Variants in KY observed in about 807,000 individuals in gnomAD.
KY encodes kyphoscoliosis peptidase.
A neutral mutation model predicts 76.1 loss-of-function variants in KY; 43 were observed. That is an observed-to-expected ratio of 0.57 (90% CI 0.44 to 0.73). KY has a LOEUF of 0.73. Ranked by LOEUF, KY falls within the 30% of genes least tolerant of loss-of-function variation. The pLI is 0.00. For synonymous variants in KY, 277 were observed against 326.2 expected (o/e 0.85, Z 1.63); for missense variants, 722 against 828.9 (o/e 0.87, Z 1.58).
intron 1 of KY, 141 bp downstream of exon 1, chr3:134,650,684 A>C (rs1201405411): frequency 1.3e-5 from 10 of 747,546 alleles, no homozygotes; most frequent in East Asian, 3.0e-5. Flanking sequence ...ACTGCGGGGA[A>C]GCGACGGCAG....
intron 9 of KY, 52 bp downstream of exon 9, chr3:134,610,143 A>G: frequency 1.9e-6 from 3 of 1,560,756 alleles, no homozygotes; most frequent in Non-Finnish European, 2.6e-6. Context: ...TGCCTGGCAC[A>G]TCCTCCACTT....
chr3:134,639,297 C>T (rs553294386), intron 3 of KY, among the ~76,000 whole-genome samples: 5 of 152,216 alleles, frequency 3.3e-5, no homozygotes, highest in Admixed American at 2.6e-4. Context: ...TGATGGAACA[C>T]CACCCTTAGG....
intron 9 of KY, among the ~76,000 whole-genome samples, chr3:134,609,486 GT>G (rs1959926887): frequency 6.6e-6 from 1 of 152,304 alleles, no homozygotes; most frequent in Non-Finnish European, 1.5e-5. Flanking sequence ...ATGTGTGGGA[GT>G]GTCAAGATTT....
chr3:134,650,600 A>C (rs1966858254), intron 1 of KY, among the ~76,000 whole-genome samples: 1 of 152,216 alleles, frequency 6.6e-6, no homozygotes, highest in Non-Finnish European at 1.5e-5. Flanking sequence ...AGGCCTGCAC[A>C]GGGAGTGAAA....
chr3:134,608,711 T>C lies in KY; in HGVS notation c.1028A>G (p.Lys343Arg), dbSNP rs1210388727. Residue 343 changes from lysine (K) to arginine (R), a missense_variant, in exon 10 of 11, where the codon AAG (lysine) becomes AGG (arginine). Transcript: ENST00000423778. ...CATCCCTTTGTTGTAGAATTCACTCTTGTGATACATGTTGTTCTCAAACTG... is the reference window on the plus strand; with the variant it reads ...CATCCCTTTGTTGTAGAATTCACTCCTGTGATACATGTTGTTCTCAAACTG... ...LRQFENNMYH[K>R]SEFYNKGMLS... 2.5e-6 allele frequency: 4 copies of C among 1,613,968 alleles called. No homozygotes were observed. Among genetic ancestry groups the C allele is most frequent in the East Asian group, 2.2e-5 (1 of 44,898 alleles).
chr3:134,638,962 G>A (rs1377258670), intron 3 of KY, among the ~76,000 whole-genome samples: 1 of 151,654 alleles, frequency 6.6e-6, no homozygotes, highest in African/African-American at 2.4e-5. Flanking sequence ...GTGTGGAGGG[G>A]TCATGGGATT....
In KY at chr3:134,625,241, C is replaced by T. The variant is rs1157621953; in HGVS notation, c.401-106G>A. 3.9e-5 allele frequency: 33 copies of T among 839,520 alleles called. No individual in the cohort carries two copies. The South Asian group carries it at 4.4e-4, about 11-fold the overall frequency. 52.0% of individuals were successfully genotyped at this position (839,520 alleles called of 1,614,324 possible). A position where few individuals can be genotyped will look rare whatever the true frequency, so the allele number is the denominator to read the frequency against. ...GGAGCTGTGACTGTCCAACCTTTAACACAATTCTCAAAGCCTGAAACATTG... is the reference window on the plus strand; with the variant it reads ...GGAGCTGTGACTGTCCAACCTTTAATACAATTCTCAAAGCCTGAAACATTG... On this transcript the variant is annotated intron_variant, in intron 5 of 10. Transcript: ENST00000423778.
intron 9 of KY, 127 bp from the exon 10 acceptor site, chr3:134,608,966 G>A (rs541340215): frequency 1.9e-6 from 2 of 1,076,556 alleles, no homozygotes; most frequent in Non-Finnish European, 2.6e-6. Context: ...CCTAACATGG[G>A]CACTGGAGAC....
intron 3 of KY, among the ~76,000 whole-genome samples, chr3:134,638,642 C>T (rs931961433): frequency 1.3e-5 from 2 of 152,238 alleles, no homozygotes; most frequent in African/African-American, 2.4e-5. Flanking sequence ...GCCAGCTCTC[C>T]TTGCTTTTCC....
At chr3:134,637,245 G>A (rs1034699925) in intron 3 of KY, among the ~76,000 whole-genome samples, 4 of 152,200 alleles carry the variant, frequency 2.6e-5, no homozygotes, top group Non-Finnish European at 5.9e-5. Context: ...AGTTCTGGTC[G>A]TAGGACTGGG....
chr3:134,612,542 G>A (rs1175549125), intron 8 of KY, among the ~76,000 whole-genome samples: 2 of 152,192 alleles, frequency 1.3e-5, no homozygotes, highest in Non-Finnish European at 1.5e-5. Context: ...TAGCAGAGAA[G>A]GACCAGAGGA....
chr3:134,625,597 C>T (rs1963333454), intron 5 of KY, among the ~76,000 whole-genome samples: 2 of 152,164 alleles, frequency 1.3e-5, no homozygotes, highest in Non-Finnish European at 2.9e-5. Flanking sequence ...CAGCCACGGC[C>T]CTGGGGTGGA....
rs139586877 is a variant in KY, at chr3:134,609,464, T to C, written c.900-625A>G. ...GTGTAGGATGTGTGTGCACATGGCTTGTATTTGTCCCATGTGTGGGAGTGT... is the reference window on the plus strand; with the variant it reads ...GTGTAGGATGTGTGTGCACATGGCTCGTATTTGTCCCATGTGTGGGAGTGT... On this transcript the variant is annotated intron_variant, in intron 9 of 10. Transcript: ENST00000423778. 6.6e-4 allele frequency among the ~76,000 whole-genome samples: 101 copies of C among 152,174 alleles called. 1 individual carries two copies. The East Asian group carries it at 7.5e-3, about 11-fold the overall frequency.
Position 134,600,241 on chromosome 3 carries a change from C to T in KY, c.*3338G>A, listed in dbSNP as rs965798624. ...GGTTTGGAGAGGAGAAAACCCACTCCTTCTAGTGAACATGGCATCTAAAAC... is the reference window on the plus strand; with the variant it reads ...GGTTTGGAGAGGAGAAAACCCACTCTTTCTAGTGAACATGGCATCTAAAAC... On this transcript the variant is annotated 3_prime_UTR_variant, in exon 11 of 11. Coordinates refer to ENST00000423778, the MANE Select transcript of KY (RefSeq NM_178554.6). 1.3e-5 allele frequency among the ~76,000 whole-genome samples: 2 copies of T among 152,198 alleles called. No individual in the cohort carries two copies. Among genetic ancestry groups the T allele is most frequent in the African/African-American group, 4.8e-5 (2 of 41,460 alleles).
At chr3:134,617,427 C>T (rs1271389539) in intron 8 of KY, among the ~76,000 whole-genome samples, 1 of 151,958 alleles carries the variant, frequency 6.6e-6, no homozygotes, top group Non-Finnish European at 1.5e-5. Flanking sequence ...TGGGTATTCG[C>T]AGGGGAGGTA....
At chr3:134,645,329 G>A (rs576132785) in intron 2 of KY, among the ~76,000 whole-genome samples, 34 of 152,306 alleles carry the variant, frequency 2.2e-4, no homozygotes, top group African/African-American at 8.2e-4. Context: ...GCAGTGCACG[G>A]GGTAGCAAGA....
chr3:134,624,763 G>T (rs1156469988), intron 6 of KY, among the ~76,000 whole-genome samples: 1 of 152,226 alleles, frequency 6.6e-6, no homozygotes. Context: ...GGAGAAGGCA[G>T]GTCAGGGCTG....
intron 1 of KY, among the ~76,000 whole-genome samples, chr3:134,649,183 A>T (rs1966787857): frequency 6.6e-6 from 1 of 152,170 alleles, no homozygotes; most frequent in Non-Finnish European, 1.5e-5. Context: ...TCAGAAAAAT[A>T]TTTGGAGAAA....
At chr3:134,636,594 G>A (rs1375668501) in intron 3 of KY, among the ~76,000 whole-genome samples, 2 of 152,316 alleles carry the variant, frequency 1.3e-5, no homozygotes, top group East Asian at 3.9e-4. Flanking sequence ...CAACCCACCA[G>A]CTGACAACAA....
Sources: allele counts gnomAD v4.1 joint callset (sites outside exome capture counted in the v4.1 genomes callset), GRCh38; gene constraint gnomAD v4.1.1; transcripts MANE v1.5; gene names NCBI Gene and HGNC (gene_info 2026-07-23, HGNC 2026-07-21).